The following FAM110B variants were observed in gnomAD, a reference collection of about 807,000 sequenced individuals.
FAM110B encodes family with sequence similarity 110 member B, also known as protein FAM110B.
A neutral mutation model predicts 20.4 loss-of-function variants in FAM110B; 6 were observed. The ratio of observed to expected loss-of-function variants is 0.29; its 90% CI spans 0.16 to 0.58. The LOEUF (loss-of-function observed/expected upper bound fraction) is 0.58. Among genes scored for constraint, FAM110B ranks in the 20% least tolerant of loss-of-function variants. FAM110B has a pLI of 0.90. For synonymous variants in FAM110B, 226 were observed against 214.1 expected (o/e 1.06, Z -0.49); for missense variants, 434 against 498.2 (o/e 0.87, Z 1.23).
At chr8:58,054,531 A>G (rs565359235) in intron 2 of FAM110B, among the ~76,000 whole-genome samples, 36 of 152,218 alleles carry the variant, frequency 2.4e-4, no homozygotes, top group Non-Finnish European at 4.3e-4. Flanking sequence ...GTAATTTGCT[A>G]TATTTCTTCA....
chr8:58,113,536 A>C (rs1264381904), intron 3 of FAM110B: 1 of 181,616 alleles, frequency 5.5e-6, no homozygotes, highest in Admixed American at 5.3e-5. Context: ...GGAAGACGTA[A>C]TCTTCCTGCG....
intron 3 of FAM110B, among the ~76,000 whole-genome samples, chr8:58,107,808 T>G (rs987559677): frequency 6.6e-6 from 1 of 152,248 alleles, no homozygotes; most frequent in Non-Finnish European, 1.5e-5. Context: ...TGCTGTGCTC[T>G]GAGGGGCCTC....
chr8:58,136,157 A>G (rs1585916634), intron 3 of FAM110B, among the ~76,000 whole-genome samples: 1 of 151,946 alleles, frequency 6.6e-6, no homozygotes, highest in Non-Finnish European at 1.5e-5. Context: ...GATTACAGGC[A>G]CGTGCCACCA....
intron 2 of FAM110B, among the ~76,000 whole-genome samples, chr8:58,043,860 T>G (rs1405823432): frequency 6.6e-6 from 1 of 152,236 alleles, no homozygotes; most frequent in Non-Finnish European, 1.5e-5. Flanking sequence ...TGAAATACTT[T>G]GATTAGGGTC....
chr8:58,008,215 C>T (rs954405111), intron 1 of FAM110B, among the ~76,000 whole-genome samples: 3 of 151,152 alleles, frequency 2.0e-5, no homozygotes, highest in South Asian at 4.2e-4. Context: ...TTACTGCAAC[C>T]TCCACCTTCC....
intron 3 of FAM110B, among the ~76,000 whole-genome samples, chr8:58,139,757 T>A (rs1803698720): frequency 1.3e-5 from 2 of 151,950 alleles, no homozygotes; most frequent in African/African-American, 4.8e-5. Flanking sequence ...TGAAACCCCG[T>A]CTCTACTAAA....
At chr8:58,076,146 A>C (rs758546074) in intron 3 of FAM110B, among the ~76,000 whole-genome samples, 3 of 151,960 alleles carry the variant, frequency 2.0e-5, no homozygotes, top group Non-Finnish European at 2.9e-5. Flanking sequence ...TTTTTCATAG[A>C]GATGGGGTCT....
intron 3 of FAM110B, among the ~76,000 whole-genome samples, chr8:58,100,382 A>G (rs918717154): frequency 6.6e-6 from 1 of 152,150 alleles, no homozygotes; most frequent in African/African-American, 2.4e-5. Context: ...TCAATTGACT[A>G]TGTTTCCTAT....
At chr8:58,020,908 C>CA (rs34664443) in intron 1 of FAM110B, among the ~76,000 whole-genome samples, 33,296 of 152,092 alleles carry the variant, frequency 0.22, 5,584 homozygotes, top group African/African-American at 0.47. Flanking sequence ...CTAGACGAGG[C>CA]GTCCTCAGAT....
chr8:58,107,698 T>G (rs561528228), intron 3 of FAM110B, among the ~76,000 whole-genome samples: 1 of 152,324 alleles, frequency 6.6e-6, no homozygotes, highest in African/African-American at 2.4e-5. Context: ...ATGCATCAGA[T>G]CCTGTGCTAT....
chr8:58,144,184 T>C (rs897376255), intron 3 of FAM110B, among the ~76,000 whole-genome samples: 2 of 152,036 alleles, frequency 1.3e-5, no homozygotes, highest in Non-Finnish European at 2.9e-5. Flanking sequence ...CCCCAAACTT[T>C]CTGGTATTGT....
intron 3 of FAM110B, among the ~76,000 whole-genome samples, chr8:58,102,493 G>A (rs879550650): frequency 2.6e-5 from 4 of 152,150 alleles, no homozygotes; most frequent in South Asian, 4.1e-4. Flanking sequence ...ATTTTTAAAG[G>A]TAGTGAACTA....
chr8:58,044,941 AG>A (rs1274926966), intron 2 of FAM110B, among the ~76,000 whole-genome samples: 1 of 152,236 alleles, frequency 6.6e-6, no homozygotes, highest in African/African-American at 2.4e-5. Flanking sequence ...TATACTACTT[AG>A]TTTTAGGAAA....
chr8:58,027,193 C>T (rs899601342), intron 1 of FAM110B, among the ~76,000 whole-genome samples: 3 of 152,178 alleles, frequency 2.0e-5, no homozygotes, highest in Admixed American at 2.0e-4. Context: ...TTTTGGAAAT[C>T]TATTGTAAGG....
chr8:58,065,741 A>G (rs1805746031), intron 2 of FAM110B, among the ~76,000 whole-genome samples: 1 of 152,114 alleles, frequency 6.6e-6, no homozygotes, highest in African/African-American at 2.4e-5. Flanking sequence ...CAAGTCCTGT[A>G]ACCACCCTGG....
At chr8:58,047,086 A>G (rs989238038) in intron 2 of FAM110B, among the ~76,000 whole-genome samples, 1 of 152,234 alleles carries the variant, frequency 6.6e-6, no homozygotes, top group South Asian at 2.1e-4. Flanking sequence ...GATAGGGGAC[A>G]TTTCCAAACG....
intron 1 of FAM110B, among the ~76,000 whole-genome samples, chr8:58,024,290 T>G (rs1423820007): frequency 2.0e-5 from 3 of 151,896 alleles, no homozygotes; most frequent in African/African-American, 4.8e-5. Flanking sequence ...TTCCATAGCA[T>G]GTGAGGAGCA....
intron 3 of FAM110B, among the ~76,000 whole-genome samples, chr8:58,079,829 T>C (rs1291418719): frequency 6.6e-5 from 10 of 152,188 alleles, no homozygotes; most frequent in Non-Finnish European, 1.2e-4. Context: ...TTAAATCAAA[T>C]GTAAGACAGA....
At chr8:58,011,215 G>A (rs1804526487) in intron 1 of FAM110B, among the ~76,000 whole-genome samples, 1 of 152,194 alleles carries the variant, frequency 6.6e-6, no homozygotes, top group Admixed American at 6.5e-5. Context: ...AACGTTGCCT[G>A]TGGATTGAGG....
Sources: allele counts gnomAD v4.1 joint callset (sites outside exome capture counted in the v4.1 genomes callset), GRCh38; gene constraint gnomAD v4.1.1; transcripts MANE v1.5; gene names NCBI Gene and HGNC (gene_info 2026-07-23, HGNC 2026-07-21).